The following ZMYND8 variants were observed in gnomAD, a reference collection of about 807,000 sequenced individuals.
The protein encoded by ZMYND8 is zinc finger MYND-type containing 8.
Under a neutral mutation model 140.8 loss-of-function variants are expected in ZMYND8, and 37 were observed. The observed-to-expected ratio is 0.26, with a 90% CI of 0.20 to 0.35. The LOEUF is 0.35. Ranked by LOEUF, ZMYND8 falls within the 10% of genes least tolerant of loss-of-function variation. The pLI, the probability that ZMYND8 is intolerant of heterozygous loss-of-function variation, is 1.00. For missense variants in ZMYND8, 1,068 were observed against 1,570.0 expected, an observed-to-expected ratio of 0.68 and a Z score of 5.40; for synonymous variants, 592 against 597.1, an observed-to-expected ratio of 0.99 and a Z score of 0.12.
Position 47,313,787 on chromosome 20 carries a change from G to T in ZMYND8, c.86-3583C>A, listed in dbSNP as rs377474573. ...TCTCTACTAAAAATACAAAAAACTA[G>T]CTGGGTGTGGTGGCACGTGCCTATA... On this transcript the variant is annotated intron_variant, in intron 2 of 22. Transcript: ENST00000471951. Among the ~76,000 whole-genome samples, 176 of 151,750 alleles carry T rather than the reference G, an allele frequency of 1.2e-3. 5 individuals carry two copies. The South Asian group carries it at 0.035, about 30-fold the overall frequency.
At chr20:47,331,373 C>T (rs1224393140) in intron 2 of ZMYND8, among the ~76,000 whole-genome samples, 1 of 152,014 alleles carries the variant, frequency 6.6e-6, no homozygotes, top group Non-Finnish European at 1.5e-5. Flanking sequence ...CACAAAAGGG[C>T]AAAGAACAGA....
At chr20:47,299,721 C>CTG (rs2077881176) in intron 3 of ZMYND8, among the ~76,000 whole-genome samples, 1 of 152,056 alleles carries the variant, frequency 6.6e-6, no homozygotes, top group African/African-American at 2.4e-5. Flanking sequence ...GTAGCTGGGA[C>CTG]TACAGGCGTG....
At chr20:47,319,598 C>A (rs141849105) in intron 2 of ZMYND8, 2,214 of 154,558 alleles carry the variant, frequency 0.014, 27 homozygotes, top group Non-Finnish European at 0.021. Flanking sequence ...ATGTAAAAGG[C>A]GAACTTCCAA....
intron 2 of ZMYND8, among the ~76,000 whole-genome samples, chr20:47,339,499 C>T (rs2081657015): frequency 6.6e-6 from 1 of 151,994 alleles, no homozygotes; most frequent in South Asian, 2.1e-4. Context: ...TTTTTTGAGA[C>T]GGAGTCTCAC....
At chr20:47,273,987 G>T (rs1432139550) in intron 11 of ZMYND8, among the ~76,000 whole-genome samples, 1 of 152,192 alleles carries the variant, frequency 6.6e-6, no homozygotes, top group Non-Finnish European at 1.5e-5. Flanking sequence ...CCAGCAAGGA[G>T]ATTATATTTT....
At chr20:47,274,559 A>G (rs1382047323) in intron 11 of ZMYND8, among the ~76,000 whole-genome samples, 1 of 152,240 alleles carries the variant, frequency 6.6e-6, no homozygotes, top group Non-Finnish European at 1.5e-5. Context: ...GTCATGAAAC[A>G]AAGTAAGCTT....
At chr20:47,325,343 G>C (rs2080322876) in intron 2 of ZMYND8, among the ~76,000 whole-genome samples, 1 of 152,076 alleles carries the variant, frequency 6.6e-6, no homozygotes, top group Admixed American at 6.6e-5. Context: ...ACATGGCCTG[G>C]CTCGGAAGTA....
intron 21 of ZMYND8, among the ~76,000 whole-genome samples, chr20:47,219,124 C>G (rs2036567117): frequency 6.9e-6 from 1 of 144,238 alleles, no homozygotes; most frequent in Non-Finnish European, 1.5e-5. Flanking sequence ...GTGGCACGAT[C>G]TCGACTCACT....
At chr20:47,337,310 A>C (rs1415070633) in intron 2 of ZMYND8, among the ~76,000 whole-genome samples, 1 of 152,014 alleles carries the variant, frequency 6.6e-6, no homozygotes, top group Non-Finnish European at 1.5e-5. Context: ...CGAGATAGGC[A>C]CTCCAGCCTG....
rs780491504 is a variant in ZMYND8 at position 47,239,090 on chromosome 20, G to A, written c.2333C>T (p.Pro778Leu). 5 of 1,523,788 alleles carry A rather than the reference G, an allele frequency of 3.3e-6. No homozygotes were observed. Among genetic ancestry groups the A allele is most frequent in the African/African-American group, 1.4e-5 (1 of 72,404 alleles). The allele number at this position is 1,523,788 out of a possible 1,614,324, so 94.4% of individuals were successfully genotyped here. ...AGAGCGGGTGAGCACCGGTGTTTCC[G>A]GGGGAGAATGGCTGCCCACCGTCGT... ...PSTTVGSHSP[P>L]ETPVLTRSSA... The change falls in exon 15 of 23, where the codon CCG becomes CTG. Residue 778 changes from proline to leucine, a missense_variant. By Grantham distance (98) the Pro-to-Leu change is moderately conservative (BLOSUM62 -3). Transcript: ENST00000471951.
At chr20:47,275,480 C>T (rs6124988) in intron 11 of ZMYND8, among the ~76,000 whole-genome samples, 20,739 of 140,630 alleles carry the variant, frequency 0.15, 1,497 homozygotes, top group East Asian at 0.21. Context: ...GGTGACAGAG[C>T]GAGACTATGT....
chr20:47,274,563 T>C (rs758837109), intron 11 of ZMYND8, among the ~76,000 whole-genome samples: 2 of 152,188 alleles, frequency 1.3e-5, no homozygotes, highest in African/African-American at 2.4e-5. Context: ...TGAAACAAAG[T>C]AAGCTTTTAA....
At chr20:47,309,282 C>A (rs989972725) in intron 3 of ZMYND8, among the ~76,000 whole-genome samples, 1 of 152,050 alleles carries the variant, frequency 6.6e-6, no homozygotes, top group Non-Finnish European at 1.5e-5. Flanking sequence ...CCTGGCAATG[C>A]CTCTTACCAA....
At chr20:47,310,515 G>A (rs2078840330) in intron 2 of ZMYND8, among the ~76,000 whole-genome samples, 1 of 151,992 alleles carries the variant, frequency 6.6e-6, no homozygotes, top group South Asian at 2.1e-4. Flanking sequence ...CAGATTAGGA[G>A]GGCCAGGCAC....
At chr20:47,220,351 A>G (rs2036762345) in intron 20 of ZMYND8, 27 bp from the exon 21 acceptor site, 1 of 1,533,468 alleles carries the variant, frequency 6.5e-7, no homozygotes, top group South Asian at 1.2e-5. Context: ...AAAAAGATGG[A>G]CTCAAGGCAC....
chr20:47,288,252 C>T (rs1368721683), intron 7 of ZMYND8, among the ~76,000 whole-genome samples: 1 of 152,172 alleles, frequency 6.6e-6, no homozygotes, highest in Non-Finnish European at 1.5e-5. Context: ...TCTCCATGAT[C>T]CACAGCACAT....
At chr20:47,226,649 G>A (rs907711406) in intron 18 of ZMYND8, among the ~76,000 whole-genome samples, 12 of 151,796 alleles carry the variant, frequency 7.9e-5, no homozygotes, top group Admixed American at 4.6e-4. Context: ...CCACGCATGC[G>A]GAGTGTGAAA....
chr20:47,312,460 G>A (rs1039407201), intron 2 of ZMYND8, among the ~76,000 whole-genome samples: 1 of 152,112 alleles, frequency 6.6e-6, no homozygotes, highest in Non-Finnish European at 1.5e-5. Flanking sequence ...TACCTTGAGG[G>A]TGAACAGACC....
chr20:47,312,705 A>G (rs372954275), intron 2 of ZMYND8, among the ~76,000 whole-genome samples: 1 of 150,870 alleles, frequency 6.6e-6, no homozygotes, highest in Non-Finnish European at 1.5e-5. Flanking sequence ...CAGGATAATC[A>G]CTTGAACCCT....
Sources: gnomAD v4.1 joint callset for allele counts (sites outside exome capture counted in the v4.1 genomes callset) on GRCh38, gnomAD v4.1.1 for gene constraint, MANE v1.5 for transcripts, NCBI Gene and HGNC (gene_info 2026-07-23, HGNC 2026-07-21) for gene names.